Variants in METTL15 observed in about 807,000 individuals in gnomAD.
METTL15 encodes the protein methyltransferase 15, mitochondrial 12S rRNA N4-cytidine.
METTL15 carries 34 observed loss-of-function variants against 38.3 expected under a neutral mutation model. That is an observed-to-expected ratio of 0.89 (90% CI 0.68 to 1.18). The LOEUF is 1.18. Ranked by LOEUF, METTL15 falls within the 50% of genes most tolerant of loss-of-function variation. The pLI is 0.00. For synonymous variants in METTL15, 162 were observed against 170.9 expected (o/e 0.95, Z 0.41); for missense variants, 438 against 498.4 (o/e 0.88, Z 1.15).
At chr11:28,283,430 A>G (rs926162849) in intron 4 of METTL15, among the ~76,000 whole-genome samples, 13 of 152,112 alleles carry the variant, frequency 8.5e-5, no homozygotes, top group Admixed American at 5.2e-4. Context: ...GAGTGGACTG[A>G]TTTTTATAAT....
At chr11:28,382,835 C>CA (rs766333019) in intron 5 of METTL15, among the ~76,000 whole-genome samples, 715 of 129,496 alleles carry the variant, frequency 5.5e-3, no homozygotes, top group Middle Eastern at 0.013. Flanking sequence ...AACTCCGTCT[C>CA]AAAAAAAAAA....
intron 3 of METTL15, among the ~76,000 whole-genome samples, chr11:28,177,501 T>C (rs1437241456): frequency 6.6e-6 from 1 of 152,022 alleles, no homozygotes; most frequent in East Asian, 1.9e-4. Context: ...TGTAAAAAGC[T>C]GTATTTAATA....
At chr11:28,474,140 A>G (rs1436914237) in intron 6 of METTL15, among the ~76,000 whole-genome samples, 2 of 151,630 alleles carry the variant, frequency 1.3e-5, no homozygotes, top group African/African-American at 4.8e-5. Flanking sequence ...ATAAGTATAT[A>G]CAAGTATAAA....
At chr11:28,486,091 G>A (rs190322364) in intron 6 of METTL15, among the ~76,000 whole-genome samples, 2 of 152,328 alleles carry the variant, frequency 1.3e-5, no homozygotes, top group East Asian at 3.9e-4. Context: ...TTAGTCCATA[G>A]TTAGCGCTAT....
chr11:28,493,943 C>A (rs538286720), intron 6 of METTL15, among the ~76,000 whole-genome samples: 2 of 152,336 alleles, frequency 1.3e-5, no homozygotes, highest in Admixed American at 6.5e-5. Context: ...AGGACAGCCT[C>A]ACTGGCATGA....
intron 5 of METTL15, among the ~76,000 whole-genome samples, chr11:28,398,434 A>G (rs7103545): frequency 0.038 from 5,771 of 152,060 alleles, 366 homozygotes; most frequent in African/African-American, 0.13. Context: ...ACCAGTGATG[A>G]TGAGCTTTTT....
intron 5 of METTL15, among the ~76,000 whole-genome samples, chr11:28,396,046 G>A (rs1031395482): frequency 3.3e-5 from 5 of 152,094 alleles, no homozygotes; most frequent in Non-Finnish European, 5.9e-5. Context: ...AAATTCAACA[G>A]TCCTTCATGC....
intron 4 of METTL15, among the ~76,000 whole-genome samples, chr11:28,261,720 G>A (rs549011862): frequency 6.6e-6 from 1 of 152,076 alleles, no homozygotes; most frequent in Admixed American, 6.6e-5. Flanking sequence ...GTTTTCTAGA[G>A]TCAGGAGTAA....
chr11:28,497,756 C>T (rs775430147), intron 6 of METTL15, among the ~76,000 whole-genome samples: 7 of 152,068 alleles, frequency 4.6e-5, no homozygotes, highest in Non-Finnish European at 2.9e-5. Flanking sequence ...CTCTCTGAAA[C>T]CTCTCTTATA....
At chr11:28,300,476 C>T (rs960145446) in intron 6 of METTL15, among the ~76,000 whole-genome samples, 4 of 152,050 alleles carry the variant, frequency 2.6e-5, no homozygotes, top group African/African-American at 4.8e-5. Flanking sequence ...AAGTTTGGTG[C>T]GTTTTGCTAG....
intron 6 of METTL15, among the ~76,000 whole-genome samples, chr11:28,508,731 C>G (rs1327737393): frequency 1.3e-5 from 2 of 152,190 alleles, no homozygotes; most frequent in African/African-American, 4.8e-5. Flanking sequence ...TCAGGTTACT[C>G]TGGCTTTGGG....
At chr11:28,272,962 T>A (rs1311376554) in intron 4 of METTL15, among the ~76,000 whole-genome samples, 1 of 152,208 alleles carries the variant, frequency 6.6e-6, no homozygotes, top group Non-Finnish European at 1.5e-5. Flanking sequence ...TTCTATACCC[T>A]ATTACTAAGT....
At chr11:28,357,019 C>G (rs950215703) in intron 4 of METTL15, among the ~76,000 whole-genome samples, 8 of 152,164 alleles carry the variant, frequency 5.3e-5, no homozygotes, top group Non-Finnish European at 1.0e-4. Context: ...TAGGCATATC[C>G]AGAACCTCAC....
chr11:28,157,892 A>G (rs1182306912), intron 3 of METTL15, among the ~76,000 whole-genome samples: 3 of 152,150 alleles, frequency 2.0e-5, no homozygotes, highest in Non-Finnish European at 4.4e-5. Flanking sequence ...AGTTCTGCAC[A>G]ATACCGAGGC....
At chr11:28,479,545 C>G (rs986887171) in intron 6 of METTL15, among the ~76,000 whole-genome samples, 6 of 152,126 alleles carry the variant, frequency 3.9e-5, no homozygotes, top group African/African-American at 1.4e-4. Flanking sequence ...GCTTTGCATA[C>G]AAAAGGTTTT....
intron 6 of METTL15, among the ~76,000 whole-genome samples, chr11:28,513,028 G>T (rs1007386647): frequency 6.6e-6 from 1 of 152,192 alleles, no homozygotes; most frequent in African/African-American, 2.4e-5. Flanking sequence ...AAGAAAATTT[G>T]CATGTAAGTG....
At chr11:28,206,508 T>C (rs1056203067) in intron 3 of METTL15, among the ~76,000 whole-genome samples, 2 of 151,982 alleles carry the variant, frequency 1.3e-5, no homozygotes, top group African/African-American at 4.8e-5. Flanking sequence ...TTGGTTACTG[T>C]AGCCTTGTAG....
intron 6 of METTL15, among the ~76,000 whole-genome samples, chr11:28,466,306 T>C (rs1455865162): frequency 1.3e-5 from 2 of 152,220 alleles, no homozygotes; most frequent in Admixed American, 1.3e-4. Flanking sequence ...CTGGCAGATA[T>C]ATAATAGGTT....
At chr11:28,350,579 T>C (rs1269259730) in intron 3 of METTL15, among the ~76,000 whole-genome samples, 2 of 152,198 alleles carry the variant, frequency 1.3e-5, no homozygotes, top group Non-Finnish European at 2.9e-5. Context: ...AGCCTGGTCT[T>C]GCTAAATTTT....
Sources: allele counts gnomAD v4.1 joint callset (sites outside exome capture counted in the v4.1 genomes callset), GRCh38; gene constraint gnomAD v4.1.1; transcripts MANE v1.5; gene names NCBI Gene and HGNC (gene_info 2026-07-23, HGNC 2026-07-21).